The following PCSK6 variants were observed in gnomAD, a reference collection of about 807,000 sequenced individuals.
The protein encoded by PCSK6 is paired basic amino acid cleaving enzyme 4.
PCSK6 carries 85 observed loss-of-function variants against 123.3 expected under a neutral mutation model. That is an observed-to-expected ratio of 0.69 (90% CI 0.58 to 0.83). The LOEUF is 0.83. PCSK6 is among the 40% of genes least tolerant of loss of function. PCSK6 has a pLI of 0.00. For synonymous variants in PCSK6, 508 were observed against 516.0 expected (o/e 0.98, Z 0.21); for missense variants, 1,191 against 1,282.3 (o/e 0.93, Z 1.09).
intron 11 of PCSK6, among the ~76,000 whole-genome samples, chr15:101,379,275 C>T (rs541869943): frequency 1.3e-5 from 2 of 152,292 alleles, no homozygotes; most frequent in South Asian, 4.1e-4. Flanking sequence ...CCTGCCCCTG[C>T]CCGTGACCAG....
At chr15:101,331,066 G>T (rs2040361760) in intron 15 of PCSK6, among the ~76,000 whole-genome samples, 1 of 152,206 alleles carries the variant, frequency 6.6e-6, no homozygotes, top group Non-Finnish European at 1.5e-5. Flanking sequence ...CACACAAATT[G>T]CTACAGGAGG....
At chr15:101,427,761 C>T (rs548775225) in intron 6 of PCSK6, 131 bp downstream of exon 6, 41 of 650,006 alleles carry the variant, frequency 6.3e-5, no homozygotes, top group African/African-American at 6.1e-4. Context: ...GGCACTGCTG[C>T]GTCTGGCCCA....
rs145215056 is a variant in PCSK6, at chr15:101,364,235, G to A, written c.1858+1961C>T. ...CACAGAAAAGGGCACAGGGAACGAC[G>A]GAACAGTGAAAGCAAACCTTGAGGA... On this transcript the variant is annotated intron_variant, in intron 13 of 21. Transcript: ENST00000611716. Among the ~76,000 whole-genome samples, 385 of 152,242 alleles carry A rather than the reference G, an allele frequency of 2.5e-3. 4 individuals are homozygous for A. The highest frequency in any genetic ancestry group is 8.7e-3 in the African/African-American group (360 of 41,528).
intron 6 of PCSK6, 135 bp downstream of exon 6, chr15:101,427,757 G>T: frequency 1.6e-6 from 1 of 640,586 alleles, no homozygotes; most frequent in South Asian, 1.9e-5. Flanking sequence ...AGACGGCACT[G>T]CTGCGTCTGG....
At position 101,325,045 on chromosome 15, in the gene PCSK6, T is replaced by A; in HGVS notation, c.2182A>T (p.Lys728Ter). 6.2e-7 allele frequency: 1 copy of A among 1,603,154 alleles called. No homozygotes were observed. The highest frequency in any genetic ancestry group is 8.5e-7 in the Non-Finnish European group (1 of 1,175,644). The part of the protein sequence containing the change: ...FSLGSVKTSR[K>*]CVSVCPLGYF... ...CCCAAGGGGCACACACTCACGCACTTCCTGTAGGAGCAAAGGCAGGAGGGT... is the reference window on the plus strand; with the variant it reads ...CCCAAGGGGCACACACTCACGCACTACCTGTAGGAGCAAAGGCAGGAGGGT... The change falls in exon 17 of 22, where the codon AAG (lysine) becomes TAG (stop). Residue 728 changes from lysine to a stop codon, truncating the protein, a stop_gained and splice_region_variant. Coordinates refer to ENST00000611716, the MANE Select transcript of PCSK6 (RefSeq NM_002570.5). LOFTEE classifies it high-confidence loss of function.
At chr15:101,439,062 C>T (rs1292335881) in intron 2 of PCSK6, among the ~76,000 whole-genome samples, 1 of 151,986 alleles carries the variant, frequency 6.6e-6, no homozygotes, top group Non-Finnish European at 1.5e-5. Context: ...CAAGGATGCC[C>T]ACATGAGGCC....
In PCSK6 at chr15:101,340,170, G is replaced by A. The variant is rs58418522; in HGVS notation, c.1859-8139C>T. ...ACACACACGTCCATGGATGCACATG[G>A]ACATGTGTGCACAAGGCACCCATAA... is the stretch of plus-strand genomic sequence containing the variant. On this transcript the variant is annotated intron_variant, in intron 13 of 21. Transcript: ENST00000611716. Among the ~76,000 whole-genome samples, 1,285 of 152,130 alleles carry A rather than the reference G, an allele frequency of 8.4e-3. 21 individuals carry two copies. The highest frequency in any genetic ancestry group is 0.029 in the African/African-American group (1,194 of 41,502).
chr15:101,418,520 A>ATTT (rs749644480), intron 6 of PCSK6, among the ~76,000 whole-genome samples: 6 of 136,604 alleles, frequency 4.4e-5, no homozygotes, highest in African/African-American at 1.3e-4. Flanking sequence ...CCAATTTAGG[A>ATTT]TTTTTTTTTT....
At chr15:101,419,497 C>G (rs575854467) in intron 6 of PCSK6, among the ~76,000 whole-genome samples, 1 of 148,260 alleles carries the variant, frequency 6.7e-6, no homozygotes, top group Non-Finnish European at 1.5e-5. Context: ...CCCAATTAAT[C>G]TATAATTTCC....
At chr15:101,444,294 C>T (rs1021897849) in intron 1 of PCSK6, among the ~76,000 whole-genome samples, 2 of 152,182 alleles carry the variant, frequency 1.3e-5, no homozygotes, top group African/African-American at 4.8e-5. Context: ...GTGCCCCAGC[C>T]CCTGGCCTTC....
At chr15:101,471,841 C>G (rs1259401325) in intron 1 of PCSK6, among the ~76,000 whole-genome samples, 5 of 152,160 alleles carry the variant, frequency 3.3e-5, no homozygotes. Flanking sequence ...CTAGAACCTC[C>G]TCTGAATGGA....
intron 6 of PCSK6, among the ~76,000 whole-genome samples, chr15:101,414,035 T>C (rs369374489): frequency 1.2e-4 from 18 of 152,278 alleles, no homozygotes; most frequent in East Asian, 5.8e-4. Flanking sequence ...AAAGTAGAAG[T>C]AGCTATATTA....
At chr15:101,363,161 G>A (rs2141444661) in intron 13 of PCSK6, among the ~76,000 whole-genome samples, 1 of 152,314 alleles carries the variant, frequency 6.6e-6, no homozygotes, top group South Asian at 2.1e-4. Context: ...AGGGGAAAGA[G>A]AAGAATGCGT....
At chr15:101,322,346 C>G (rs761880109) in intron 18 of PCSK6, among the ~76,000 whole-genome samples, 174 bp downstream of exon 18, 2 of 152,214 alleles carry the variant, frequency 1.3e-5, no homozygotes, top group Admixed American at 6.5e-5. Context: ...CCCATCCTCT[C>G]CCTTTCCATC....
At chr15:101,437,352 C>T (rs113293063) in intron 2 of PCSK6, among the ~76,000 whole-genome samples, 1,888 of 152,274 alleles carry the variant, frequency 0.012, 45 homozygotes, top group South Asian at 0.054. Flanking sequence ...GGGGTGGGGC[C>T]GGGAAACCCC....
intron 19 of PCSK6, among the ~76,000 whole-genome samples, chr15:101,314,745 C>A (rs979580998): frequency 1.1e-4 from 17 of 152,302 alleles, no homozygotes; most frequent in Admixed American, 3.3e-4. Flanking sequence ...GAGCAGGAGG[C>A]AGATGTAGGG....
chr15:101,306,637 C>G (rs1477283956), intron 21 of PCSK6, among the ~76,000 whole-genome samples: 1 of 152,248 alleles, frequency 6.6e-6, no homozygotes, highest in African/African-American at 2.4e-5. Flanking sequence ...CTGGAATTCC[C>G]AAACTGGGCA....
intron 1 of PCSK6, among the ~76,000 whole-genome samples, chr15:101,482,116 TG>T (rs1275542741): frequency 6.6e-6 from 1 of 152,272 alleles, no homozygotes; most frequent in Non-Finnish European, 1.5e-5. Context: ...CTTTTCTGTC[TG>T]ATGATTTACC....
intron 5 of PCSK6, among the ~76,000 whole-genome samples, chr15:101,429,107 A>G (rs2056358618): frequency 6.6e-6 from 1 of 152,216 alleles, no homozygotes. Context: ...CTAAAAGACT[A>G]TAATCGGGAG....
Sources: allele counts gnomAD v4.1 joint callset (sites outside exome capture counted in the v4.1 genomes callset), GRCh38; gene constraint gnomAD v4.1.1; transcripts MANE v1.5; gene names NCBI Gene and HGNC (gene_info 2026-07-23, HGNC 2026-07-21).